Variants in USP48 observed in about 807,000 individuals in gnomAD.
The protein encoded by USP48 is ubiquitin carboxyl-terminal hydrolase 48.
USP48 carries 43 observed loss-of-function variants against 150.7 expected under a neutral mutation model. The observed-to-expected ratio is 0.29, with a 90% CI of 0.22 to 0.37. The LOEUF (loss-of-function observed/expected upper bound fraction) is 0.37, where lower values mean the gene tolerates loss of function less well. USP48 is among the 10% of genes least tolerant of loss of function. USP48 has a pLI of 1.00. For synonymous variants in USP48, 396 were observed against 425.9 expected (o/e 0.93, Z 0.86); for missense variants, 813 against 1,249.6 (o/e 0.65, Z 5.27).
At chr1:21,715,298 T>A (rs1186043242) in intron 15 of USP48, 91 bp downstream of exon 15, 10 of 961,886 alleles carry the variant, frequency 1.0e-5, no homozygotes, top group Non-Finnish European at 1.4e-5. Flanking sequence ...CCAGGTAAGA[T>A]GTGAGAGATA....
chr1:21,712,131 G>A (rs1429457407), intron 15 of USP48, among the ~76,000 whole-genome samples: 1 of 152,228 alleles, frequency 6.6e-6, no homozygotes, highest in Non-Finnish European at 1.5e-5. Context: ...GGCCAAGACA[G>A]GCAGATCAAC....
At chr1:21,726,268 T>C (rs2097736931) in intron 11 of USP48, among the ~76,000 whole-genome samples, 2 of 152,196 alleles carry the variant, frequency 1.3e-5, no homozygotes, top group Non-Finnish European at 2.9e-5. Context: ...AGGGTGACTG[T>C]GGCCCTGACT....
At chr1:21,697,361 GAC>G (rs2097637766) in intron 22 of USP48, among the ~76,000 whole-genome samples, 3 of 151,858 alleles carry the variant, frequency 2.0e-5, no homozygotes, top group African/African-American at 4.8e-5. Flanking sequence ...TCTCAGTCTC[GAC>G]TGTTGAAAGA....
At chr1:21,736,365 G>A (rs2097768984) in intron 9 of USP48, 81 bp downstream of exon 9, 1 of 1,336,828 alleles carries the variant, frequency 7.5e-7, no homozygotes, top group East Asian at 2.6e-5. Flanking sequence ...TAACAATCTT[G>A]AGCCATAATA....
intron 1 of USP48, among the ~76,000 whole-genome samples, chr1:21,775,308 T>C (rs1394825675): frequency 1.3e-5 from 2 of 151,906 alleles, no homozygotes; most frequent in Non-Finnish European, 1.5e-5. Context: ...GTCACCCAGG[T>C]TGGCGTGCAG....
intron 1 of USP48, among the ~76,000 whole-genome samples, chr1:21,764,667 G>A (rs2097857598): frequency 1.4e-5 from 2 of 145,638 alleles, no homozygotes; most frequent in Non-Finnish European, 3.0e-5. Flanking sequence ...GATCGTGATT[G>A]TGCCACCCCA....
At chr1:21,744,777 T>TAAAAAAA (rs10699993) in intron 8 of USP48, among the ~76,000 whole-genome samples, 16 of 59,594 alleles carry the variant, frequency 2.7e-4, no homozygotes, top group East Asian at 5.1e-4. Flanking sequence ...ACTCTATCTC[T>TAAAAAAA]AAAAAAAAAA....
At chr1:21,709,597 A>AG (rs933231554) in intron 15 of USP48, among the ~76,000 whole-genome samples, 4 of 152,078 alleles carry the variant, frequency 2.6e-5, no homozygotes, top group Non-Finnish European at 4.4e-5. Flanking sequence ...AAAAAAAAAA[A>AG]AGAGAGCTTC....
chr1:21,739,921 C>CT (rs2097777376), intron 8 of USP48, among the ~76,000 whole-genome samples: 2 of 77,844 alleles, frequency 2.6e-5, no homozygotes, highest in African/African-American at 4.9e-5. Flanking sequence ...CAGTATTTGT[C>CT]TTTTTTTTGA....
At chr1:21,727,459 A>G (rs1195233820) in intron 11 of USP48, among the ~76,000 whole-genome samples, 3 of 152,352 alleles carry the variant, frequency 2.0e-5, no homozygotes, top group South Asian at 2.1e-4. Flanking sequence ...TTTGAACTCT[A>G]TAGTTCTAAA....
chr1:21,694,521 G>A, intron 23 of USP48, among the ~76,000 whole-genome samples: 1 of 126,568 alleles, frequency 7.9e-6, no homozygotes, highest in South Asian at 2.7e-4. Flanking sequence ...AGTGAGCCAA[G>A]ATGGCACCAC....
chr1:21,705,830 T>C lies in USP48; in HGVS notation c.2281A>G (p.Thr761Ala), dbSNP rs769544762. The C allele has an allele frequency of 1.9e-6, 3 of 1,598,142 alleles. No individual in the cohort carries two copies. Among genetic ancestry groups the C allele is most frequent in the Non-Finnish European group, 2.6e-6 (3 of 1,175,138 alleles). The change falls in exon 19 of 27, where the codon ACA becomes GCA. Residue 761 changes from threonine (T) to alanine (A), a missense_variant. Transcript: ENST00000308271. ...ACTGATGACACAGGGCTGCATCTTG[T>C]AGGCTTTCTACTCAAATGAGACAAG... ...EEWRKFVRKPTRCSPVSSVGN... is the reference protein window; with the variant it reads ...EEWRKFVRKPARCSPVSSVGN...
chr1:21,747,782 C>T lies in USP48; in HGVS notation c.908+356G>A, dbSNP rs555467905. Among the ~76,000 whole-genome samples the T allele has an allele frequency of 3.9e-3, 598 of 151,640 alleles. 4 individuals carry two copies. Among genetic ancestry groups the T allele is most frequent in the Non-Finnish European group, 4.4e-3 (298 of 67,900 alleles). ...GAGACGGGGTTTCACCATGTTGGCC[C>T]GGCTGATCTCGAACTCCTGACCTCA... On this transcript the variant is annotated intron_variant, in intron 7 of 26. Transcript: ENST00000308271.
At chr1:21,729,281 C>CAAAAAAA (rs57704127) in intron 10 of USP48, among the ~76,000 whole-genome samples, 1 of 90,424 alleles carries the variant, frequency 1.1e-5, no homozygotes, top group Admixed American at 1.3e-4. Context: ...GACTCCGCCT[C>CAAAAAAA]AAAAAAAAAA....
intron 9 of USP48, among the ~76,000 whole-genome samples, chr1:21,735,749 G>A (rs983342967): frequency 1.7e-4 from 26 of 152,156 alleles, no homozygotes; most frequent in Admixed American, 1.4e-3. Flanking sequence ...TCAGCCAGCC[G>A]TGGTGACACA....
At chr1:21,682,334 G>GT (rs2097568192) in intron 25 of USP48, among the ~76,000 whole-genome samples, 1 of 151,680 alleles carries the variant, frequency 6.6e-6, no homozygotes, top group African/African-American at 2.4e-5. Flanking sequence ...CTTACCCTTA[G>GT]TTTTTTACTT....
chr1:21,758,839 A>T (rs1263861036), intron 1 of USP48, among the ~76,000 whole-genome samples: 1 of 152,046 alleles, frequency 6.6e-6, no homozygotes, highest in African/African-American at 2.4e-5. Flanking sequence ...GGACCATGTG[A>T]CTGTTTCTCA....
At chr1:21,731,623 G>A (rs777504265) in intron 9 of USP48, among the ~76,000 whole-genome samples, 11 of 148,464 alleles carry the variant, frequency 7.4e-5, no homozygotes, top group Admixed American at 2.7e-4. Context: ...GCTCATGCCT[G>A]TAATCCCAGC....
intron 9 of USP48, among the ~76,000 whole-genome samples, chr1:21,734,292 G>A (rs961946482): frequency 6.6e-6 from 1 of 152,192 alleles, no homozygotes. Context: ...TCAGTTACTT[G>A]GGAAGCTGAG....
Sources: allele counts gnomAD v4.1 joint callset (sites outside exome capture counted in the v4.1 genomes callset), GRCh38; gene constraint gnomAD v4.1.1; transcripts MANE v1.5; gene names NCBI Gene and HGNC (gene_info 2026-07-23, HGNC 2026-07-21).